The following SLC67A1 variants were observed in gnomAD, a reference collection of about 807,000 sequenced individuals.
The protein encoded by SLC67A1 is solute carrier family 67 member 1.
chr11:2,899,725 A>C, the SLC67A1 span: 1 of 1,413,950 alleles, frequency 7.1e-7, no homozygotes, highest in East Asian at 2.9e-5. Flanking sequence ...GTTCATGACA[A>C]AAAAAAAGGT....
chr11:2,902,825 A>G, the SLC67A1 span: 3 of 796,028 alleles, frequency 3.8e-6, no homozygotes, highest in Non-Finnish European at 4.6e-6. Context: ...AGGGGAAGGT[A>G]GACCTTCCCT....
At chr11:2,917,887 C>T in the SLC67A1 span, 6 of 813,462 alleles carry the variant, frequency 7.4e-6, no homozygotes, top group East Asian at 2.7e-5. Flanking sequence ...TTTACCCTGG[C>T]GGGCGCAACA....
At chr11:2,912,990 G>T in the SLC67A1 span, among the ~76,000 whole-genome samples, 1 of 152,186 alleles carries the variant, frequency 6.6e-6, no homozygotes, top group African/African-American at 2.4e-5. Context: ...CTCAGAGAGG[G>T]AGGAGGGGAT....
At chr11:2,900,430 C>T in the SLC67A1 span, among the ~76,000 whole-genome samples, 3 of 151,868 alleles carry the variant, frequency 2.0e-5, no homozygotes, top group Non-Finnish European at 2.9e-5. Context: ...CGGTGGCTCA[C>T]GCCTGTAATC....
At chr11:2,909,678 C>T in the SLC67A1 span, 1 of 1,542,856 alleles carries the variant, frequency 6.5e-7, no homozygotes, top group Non-Finnish European at 8.7e-7. Context: ...TCCTCGGCTC[C>T]CTGCTGGGCG....
the SLC67A1 span, among the ~76,000 whole-genome samples, chr11:2,912,603 A>G: frequency 6.6e-6 from 1 of 150,458 alleles, no homozygotes; most frequent in Admixed American, 6.6e-5. Flanking sequence ...AGGTGGGAGG[A>G]GGAAGTGGAC....
At chr11:2,908,464 G>A in the SLC67A1 span, 1 of 626,840 alleles carries the variant, frequency 1.6e-6, no homozygotes, top group Non-Finnish European at 2.7e-6. Context: ...CTGTGTCACA[G>A]GCCGATGGGG....
chr11:2,923,063 C>G, the SLC67A1 span, among the ~76,000 whole-genome samples: 1 of 152,216 alleles, frequency 6.6e-6, no homozygotes, highest in Admixed American at 6.5e-5. The surrounding 1 kb of genome is among the most constrained non-coding windows in gnomAD (Gnocchi z 6.5). Context: ...CACTTCCGAC[C>G]CAGCTTTCTT....
At chr11:2,914,636 T>C in the SLC67A1 span, 1 of 907,994 alleles carries the variant, frequency 1.1e-6, no homozygotes, top group African/African-American at 1.8e-5. Flanking sequence ...AGCACAGGCC[T>C]TTGGTTTACC....
chr11:2,913,463 G>C, the SLC67A1 span, among the ~76,000 whole-genome samples: 1 of 152,192 alleles, frequency 6.6e-6, no homozygotes, highest in African/African-American at 2.4e-5. Flanking sequence ...GGAATGGGGG[G>C]ACCAGGTACG....
At chr11:2,916,963 C>A in the SLC67A1 span, 1 of 515,188 alleles carries the variant, frequency 1.9e-6, no homozygotes, top group Non-Finnish European at 3.5e-6. Context: ...GCAGGGAGGC[C>A]CAGAGAGGCA....
At chr11:2,899,821 TC>T in the SLC67A1 span, 1 of 1,107,530 alleles carries the variant, frequency 9.0e-7, no homozygotes, top group Non-Finnish European at 1.2e-6. Flanking sequence ...GTTTCCAGCA[TC>T]TCCACCACAC....
chr11:2,909,139 G>C, the SLC67A1 span: 15 of 1,427,778 alleles, frequency 1.1e-5, no homozygotes, highest in African/African-American at 6.0e-5. Context: ...CCCCTGGACG[G>C]GGGGAAGGGG....
At chr11:2,900,598 CAGG>C in the SLC67A1 span, among the ~76,000 whole-genome samples, 1,210 of 145,676 alleles carry the variant, frequency 8.3e-3, 60 homozygotes, top group Admixed American at 0.08. Context: ...GAGGCTGAGG[CAGG>C]AGAATGGCGT....
At chr11:2,919,462 A>G in the SLC67A1 span, 1 of 1,315,134 alleles carries the variant, frequency 7.6e-7, no homozygotes, top group Non-Finnish European at 1.1e-6. Context: ...CCAGTGGGGC[A>G]GGCCTCTGAG....
At chr11:2,923,898 G>C in the SLC67A1 span, among the ~76,000 whole-genome samples, 1 of 152,240 alleles carries the variant, frequency 6.6e-6, no homozygotes, top group African/African-American at 2.4e-5. This position sits in a 1 kb window ranked among gnomAD's most constrained non-coding sequence, Gnocchi z 6.5. Context: ...TGAGTCTGCA[G>C]AAGAGGCTGC....
chr11:2,909,606 G>C, the SLC67A1 span: 3 of 1,531,490 alleles, frequency 2.0e-6, no homozygotes, highest in Non-Finnish European at 2.6e-6. Context: ...CGGACCTGTC[G>C]GCACCCGAGG....
chr11:2,919,562 CAGGG>C, the SLC67A1 span: 1 of 619,504 alleles, frequency 1.6e-6, no homozygotes, highest in Non-Finnish European at 2.9e-6. Flanking sequence ...GCATACAGGC[CAGGG>C]AGGGAGAGCC....
At chr11:2,910,136 G>A in the SLC67A1 span, among the ~76,000 whole-genome samples, 1 of 152,164 alleles carries the variant, frequency 6.6e-6, no homozygotes, top group Non-Finnish European at 1.5e-5. Flanking sequence ...GGGCTGTGCT[G>A]CCGGCCTTGT....
Sources: allele counts gnomAD v4.1 joint callset (sites outside exome capture counted in the v4.1 genomes callset), GRCh38; gene constraint gnomAD v4.1.1; non-coding constraint Gnocchi (gnomAD v3.1); transcripts MANE v1.5; gene names NCBI Gene and HGNC (gene_info 2026-07-23, HGNC 2026-07-21).